The following ARHGAP17 variants were observed in gnomAD, a reference collection of about 807,000 sequenced individuals.
ARHGAP17 encodes Rho GTPase activating protein 17.
In ARHGAP17, 57 loss-of-function variants were observed where a neutral mutation model predicts 99.5. The observed-to-expected ratio is 0.57, with a 90% confidence interval of 0.46 to 0.71. The LOEUF is 0.71. Ranked by LOEUF, ARHGAP17 falls within the 30% of genes least tolerant of loss-of-function variation. ARHGAP17 has a pLI of 0.00. For synonymous variants in ARHGAP17, 417 were observed against 429.6 expected (o/e 0.97, Z 0.36); for missense variants, 1,000 against 1,122.4 (o/e 0.89, Z 1.56).
chr16:24,923,289 C>G (rs1474987264), intron 19 of ARHGAP17, among the ~76,000 whole-genome samples: 1 of 152,144 alleles, frequency 6.6e-6, no homozygotes, highest in Admixed American at 6.5e-5. Flanking sequence ...CTTACAAACA[C>G]TCTGGTTTGT....
intron 19 of ARHGAP17, among the ~76,000 whole-genome samples, chr16:24,926,325 A>T (rs1036215946): frequency 6.6e-6 from 1 of 151,834 alleles, no homozygotes; most frequent in Admixed American, 6.6e-5. Context: ...TAGTGGCACG[A>T]TCTCAGCTCA....
At chr16:24,941,695 G>T in intron 16 of ARHGAP17, 1 of 353,888 alleles carries the variant, frequency 2.8e-6, no homozygotes, top group Non-Finnish European at 5.2e-6. Flanking sequence ...GTACATCTGG[G>T]TCACTTTTAA....
intron 10 of ARHGAP17, among the ~76,000 whole-genome samples, chr16:24,953,403 T>G (rs1053930694): frequency 6.6e-5 from 10 of 152,192 alleles, no homozygotes; most frequent in African/African-American, 2.2e-4. Context: ...AAGTATGATC[T>G]CCAGTGTTGA....
chr16:24,954,671 C>T lies in ARHGAP17; in HGVS notation c.784G>A (p.Gly262Arg), dbSNP rs753228794. The T allele has an allele frequency of 4.3e-6, 7 of 1,613,956 alleles. No individual in the cohort carries two copies. The highest frequency in any genetic ancestry group is 1.3e-5 in the African/African-American group (1 of 74,914). Residue 262 changes from glycine (G) to arginine (R), a missense_variant, in exon 10 of 20, where the codon GGG becomes AGG. By Grantham distance (125) the Gly-to-Arg change is moderately radical. Transcript: ENST00000289968. ...TPLEEHLKRS[G>R]REIALPIEAC... ...TCAATGGGCAGCGCAATCTCGCGCC[C>T]GCTCCTCTTCAGGTGTTCTTCTAGG...
intron 1 of ARHGAP17, among the ~76,000 whole-genome samples, chr16:25,008,913 C>T (rs2053574117): frequency 6.6e-6 from 1 of 152,294 alleles, no homozygotes; most frequent in Middle Eastern, 3.4e-3. Context: ...ATGTAAACTA[C>T]ATAATAAGGC....
chr16:24,953,465 G>A (rs550537566), intron 10 of ARHGAP17, among the ~76,000 whole-genome samples: 159 of 152,264 alleles, frequency 1.0e-3, no homozygotes, highest in Non-Finnish European at 1.7e-3. Flanking sequence ...TTTCCCTTTT[G>A]CTGTTCTTGT....
At chr16:24,947,847 TATTTCTA>T (rs1205927433) in intron 13 of ARHGAP17, among the ~76,000 whole-genome samples, 1 of 152,226 alleles carries the variant, frequency 6.6e-6, no homozygotes, top group Non-Finnish European at 1.5e-5. Flanking sequence ...ATTGGCTGTA[TATTTCTA>T]ATCAATTTCT....
At chr16:24,968,488 A>T in intron 5 of ARHGAP17, 61 bp from the exon 6 acceptor site, 1 of 1,596,302 alleles carries the variant, frequency 6.3e-7, no homozygotes, top group South Asian at 1.1e-5. Context: ...ACCATTTTAA[A>T]GTATTTACAA....
Position 24,920,356 on chromosome 16 carries a change from C to T in ARHGAP17, c.2516-96G>A, listed in dbSNP as rs150199152. 284 of 1,494,312 alleles carry T rather than the reference C, an allele frequency of 1.9e-4. 4 individuals are homozygous for T. The East Asian group carries it at 6.5e-3, about 34-fold the overall frequency. 92.6% of individuals were successfully genotyped at this position (1,494,312 alleles called of 1,614,324 possible). On this transcript the variant is annotated intron_variant, in intron 19 of 19. Coordinates refer to ENST00000289968, the MANE Select transcript of ARHGAP17 (RefSeq NM_001006634.3). ...GAGAAGAAGAGAGGCTGGGAAGTTT[C>T]AGGGTCAGCCCATGCACACAGGGTC... is the stretch of plus-strand genomic sequence containing the variant.
chr16:24,961,458 A>G (rs1195107837), intron 7 of ARHGAP17, among the ~76,000 whole-genome samples: 6 of 149,868 alleles, frequency 4.0e-5, no homozygotes, highest in Admixed American at 6.7e-5. Flanking sequence ...TGGAGCCAGG[A>G]ATTTGAGAAC....
At position 24,942,083 on chromosome 16, in the gene ARHGAP17, G is replaced by A. The variant is rs186333747; in HGVS notation, c.1394C>T (p.Ser465Leu). ...VPLTTPSSNHSFHTGNDSDSG... is the reference protein window; with the variant it reads ...VPLTTPSSNHLFHTGNDSDSG... ...GTCAGAGTCGTTTCCAGTGTGGAATGAGTGATTAGAACTCGGGGTGGTGAG... is the reference window on the plus strand; with the variant it reads ...GTCAGAGTCGTTTCCAGTGTGGAATAAGTGATTAGAACTCGGGGTGGTGAG... The change falls in exon 16 of 20, where the codon TCA becomes TTA. Residue 465 changes from serine (S) to leucine (L), a missense_variant. Around this residue, in one of 2 missense-constraint regions of ARHGAP17, gnomAD observed 472 missense variants for 611.1 expected, o/e 0.77. Transcript: ENST00000289968. The A allele has an allele frequency of 2.9e-4, 403 of 1,398,154 alleles. 1 individual carries two copies. The highest frequency in any genetic ancestry group is 1.8e-4 in the Non-Finnish European group (184 of 999,814). 86.6% of individuals were successfully genotyped at this position (1,398,154 alleles called of 1,614,324 possible).
At chr16:24,970,793 C>G (rs1180323259) in intron 3 of ARHGAP17, among the ~76,000 whole-genome samples, 2 of 152,186 alleles carry the variant, frequency 1.3e-5, no homozygotes, top group African/African-American at 4.8e-5. Context: ...GAAAACATAT[C>G]AAGTACCTAA....
At chr16:24,922,892 G>T (rs1267328646) in intron 19 of ARHGAP17, among the ~76,000 whole-genome samples, 1 of 151,862 alleles carries the variant, frequency 6.6e-6, no homozygotes, top group African/African-American at 2.4e-5. Flanking sequence ...GACTGGGCTG[G>T]TCTTGAACTC....
chr16:25,010,286 C>G (rs1374423146), intron 1 of ARHGAP17, among the ~76,000 whole-genome samples: 1 of 152,078 alleles, frequency 6.6e-6, no homozygotes, highest in African/African-American at 2.4e-5. Context: ...GTTGCTCAGG[C>G]TGGTCTGAAA....
chr16:25,004,342 T>G (rs1342715132), intron 1 of ARHGAP17, among the ~76,000 whole-genome samples: 1 of 152,134 alleles, frequency 6.6e-6, no homozygotes, highest in East Asian at 1.9e-4. Context: ...TCTCAGAGAC[T>G]CCCCTGCTTT....
chr16:24,990,680 C>T (rs1028174978), intron 1 of ARHGAP17, among the ~76,000 whole-genome samples: 3 of 151,794 alleles, frequency 2.0e-5, no homozygotes, highest in African/African-American at 7.3e-5. Context: ...AATACACACA[C>T]ACCCCTCATA....
In ARHGAP17 at chr16:24,931,076, C is replaced by A. The variant is rs765652100; in HGVS notation, c.2223G>T (p.Leu741Phe). The A allele has an allele frequency of 6.2e-6, 10 of 1,604,920 alleles. No homozygotes were observed. The highest frequency in any genetic ancestry group is 7.7e-6 in the Non-Finnish European group (9 of 1,175,686). Residue 741 changes from leucine (L) to phenylalanine (F), a missense_variant, in exon 19 of 20, where the codon TTG becomes TTT. Physicochemically the swap from Leu to Phe is conservative, Grantham distance 22 (BLOSUM62 0). Coordinates refer to ENST00000289968, the MANE Select transcript of ARHGAP17 (RefSeq NM_001006634.3). ...GCTGCTCAAGTCCATGCTCACTGGGCAATGCCATGGGGTTGGGAGGGCCCT... is the reference window on the plus strand; with the variant it reads ...GCTGCTCAAGTCCATGCTCACTGGGAAATGCCATGGGGTTGGGAGGGCCCT... Reference protein sequence around the residue: ...NSQGPPNPMALPSEHGLEQPS... With the variant: ...NSQGPPNPMAFPSEHGLEQPS...
At chr16:24,933,226 C>T (rs868588574) in intron 18 of ARHGAP17, among the ~76,000 whole-genome samples, 2 of 151,064 alleles carry the variant, frequency 1.3e-5, no homozygotes, top group Non-Finnish European at 1.5e-5. Flanking sequence ...GGTAAAGTCT[C>T]GGTGGCTCAT....
At chr16:24,966,701 T>C (rs574900506) in intron 6 of ARHGAP17, among the ~76,000 whole-genome samples, 1 of 151,890 alleles carries the variant, frequency 6.6e-6, no homozygotes, top group African/African-American at 2.4e-5. Flanking sequence ...GGAGGATCCC[T>C]TGAGCCCAGG....
Sources: allele counts gnomAD v4.1 joint callset (sites outside exome capture counted in the v4.1 genomes callset), GRCh38; gene constraint gnomAD v4.1.1; regional missense constraint gnomAD v4.1.1; transcripts MANE v1.5; gene names NCBI Gene and HGNC (gene_info 2026-07-23, HGNC 2026-07-21).